TMEM178B: variants seen among roughly 807,000 people sequenced by gnomAD.
TMEM178B encodes transmembrane protein 178B.
A neutral mutation model predicts 31.0 loss-of-function variants in TMEM178B; 5 were observed. The observed-to-expected ratio is 0.16, with a 90% CI of 0.08 to 0.34. The LOEUF (loss-of-function observed/expected upper bound fraction) is 0.34. TMEM178B is among the 10% of genes least tolerant of loss of function. The pLI is 1.00. For synonymous variants in TMEM178B, 164 were observed against 164.0 expected (o/e 1.00, Z 0.00); for missense variants, 275 against 400.3 (o/e 0.69, Z 2.67).
intron 2 of TMEM178B, among the ~76,000 whole-genome samples, chr7:141,267,125 G>A (rs978955349): frequency 7.2e-5 from 11 of 152,184 alleles, no homozygotes; most frequent in Admixed American, 4.6e-4. Flanking sequence ...CATGACAGCC[G>A]ATCTACAGCT....
rs1802054270 is a variant in TMEM178B at position 141,461,244 on chromosome 7, G to A, written c.635-9292G>A. ...TGACCTCCCTGATACACAGCCACGTGGGTGTTTCTGCAGAGCCTGCCTTGC... is the reference window on the plus strand; with the variant it reads ...TGACCTCCCTGATACACAGCCACGTAGGTGTTTCTGCAGAGCCTGCCTTGC... On this transcript the variant is annotated intron_variant, in intron 3 of 3. Transcript: ENST00000565468. The surrounding 1 kb of genome is among the most constrained non-coding windows in gnomAD (Gnocchi z 4.0). Among the ~76,000 whole-genome samples the A allele has an allele frequency of 6.6e-6, 1 of 152,178 alleles. No individual in the cohort carries two copies. Among genetic ancestry groups the A allele is most frequent in the Admixed American group, 6.5e-5 (1 of 15,280 alleles).
chr7:141,090,323 T>C (rs938852870), intron 1 of TMEM178B, among the ~76,000 whole-genome samples: 2 of 152,154 alleles, frequency 1.3e-5, no homozygotes, highest in Admixed American at 6.5e-5. Flanking sequence ...CCCCAGAGTG[T>C]TGGAGTTACA....
chr7:141,255,853 C>T (rs757079985), intron 2 of TMEM178B, among the ~76,000 whole-genome samples: 28 of 152,110 alleles, frequency 1.8e-4, no homozygotes, highest in Admixed American at 3.3e-4. Context: ...CTGCACCTGG[C>T]CATTTGGGGC....
intron 2 of TMEM178B, among the ~76,000 whole-genome samples, chr7:141,338,200 G>A (rs188553890): frequency 1.3e-5 from 2 of 152,074 alleles, no homozygotes; most frequent in African/African-American, 4.8e-5. Flanking sequence ...GAGCAATAGA[G>A]GTATAACAAA....
chr7:141,351,103 C>T (rs1799713813), intron 2 of TMEM178B, among the ~76,000 whole-genome samples: 1 of 152,236 alleles, frequency 6.6e-6, no homozygotes, highest in South Asian at 2.1e-4. Flanking sequence ...GAACTGATCT[C>T]CTCTGAAGCA....
chr7:141,162,212 C>T (rs776788836), intron 1 of TMEM178B, among the ~76,000 whole-genome samples: 13 of 152,348 alleles, frequency 8.5e-5, no homozygotes, highest in South Asian at 4.1e-4. Flanking sequence ...TGACGCCTTG[C>T]GCCCTGCAGC....
intron 1 of TMEM178B, among the ~76,000 whole-genome samples, chr7:141,083,078 G>A (rs1794712810): frequency 6.6e-6 from 1 of 152,120 alleles, no homozygotes; most frequent in African/African-American, 2.4e-5. Context: ...GGGTTAGTTT[G>A]ACCCATCATA....
intron 3 of TMEM178B, among the ~76,000 whole-genome samples, chr7:141,441,668 CAA>C (rs1287569855): frequency 6.6e-6 from 1 of 152,154 alleles, no homozygotes; most frequent in Non-Finnish European, 1.5e-5. Context: ...AATTTGGAGA[CAA>C]GAGTTCAAGA....
intron 2 of TMEM178B, among the ~76,000 whole-genome samples, chr7:141,290,263 A>G (rs1209265755): frequency 6.6e-6 from 1 of 152,224 alleles, no homozygotes; most frequent in Non-Finnish European, 1.5e-5. Flanking sequence ...GTTCACCCCA[A>G]TTCAAACAGC....
Position 141,349,987 on chromosome 7 carries a change from CCATCCATCCATGCATG to C in TMEM178B, c.497-87605_497-87590del, listed in dbSNP as rs1442757273. Among the ~76,000 whole-genome samples, 13 of 133,818 alleles carry C rather than the reference CCATCCATCCATGCATG, an allele frequency of 9.7e-5. No homozygotes were observed. The South Asian group carries it at 2.8e-3, about 28-fold the overall frequency. 87.8% of individuals were successfully genotyped at this position (133,818 alleles called of 152,430 possible). ...TCCATCCATCCATCCATCCATCCAT[CCATCCATCCATGCATG>C]CATCCATCCATGCATCTATCTGTCC... On this transcript the variant is annotated intron_variant, in intron 2 of 3. Coordinates refer to ENST00000565468, the MANE Select transcript of TMEM178B (RefSeq NM_001195278.2).
intron 2 of TMEM178B, among the ~76,000 whole-genome samples, chr7:141,316,771 C>T (rs1352775359): frequency 6.6e-6 from 1 of 152,176 alleles, no homozygotes; most frequent in African/African-American, 2.4e-5. Flanking sequence ...AGATGTTTTT[C>T]CTAACTCCCT....
chr7:141,322,312 A>C (rs1334986401), intron 2 of TMEM178B, among the ~76,000 whole-genome samples: 4 of 151,228 alleles, frequency 2.6e-5, no homozygotes, highest in Admixed American at 6.6e-5. Flanking sequence ...GGACCACTTG[A>C]GGTCAGGAGT....
At chr7:141,386,625 G>A (rs539534277) in intron 2 of TMEM178B, among the ~76,000 whole-genome samples, 4 of 152,230 alleles carry the variant, frequency 2.6e-5, no homozygotes, top group East Asian at 1.9e-4. Flanking sequence ...GAACATTCTC[G>A]GGTTTTAAAC....
intron 1 of TMEM178B, among the ~76,000 whole-genome samples, chr7:141,138,989 A>C (rs1000768228): frequency 6.6e-6 from 1 of 152,096 alleles, no homozygotes; most frequent in African/African-American, 2.4e-5. Context: ...ATGTCAAAAA[A>C]AAAAAGAAAA....
At chr7:141,081,941 G>A (rs1794693346) in intron 1 of TMEM178B, among the ~76,000 whole-genome samples, 1 of 152,114 alleles carries the variant, frequency 6.6e-6, no homozygotes, top group Non-Finnish European at 1.5e-5. Flanking sequence ...ATCATTTTTT[G>A]TCTTCTCTAC....
intron 2 of TMEM178B, among the ~76,000 whole-genome samples, chr7:141,322,534 T>C (rs1475155841): frequency 1.3e-5 from 2 of 152,014 alleles, no homozygotes; most frequent in Non-Finnish European, 2.9e-5. Flanking sequence ...GATTCCGTTT[T>C]AAAAATCAAT....
intron 2 of TMEM178B, among the ~76,000 whole-genome samples, chr7:141,282,996 T>C (rs1356155788): frequency 6.6e-6 from 1 of 152,144 alleles, no homozygotes; most frequent in Non-Finnish European, 1.5e-5. Context: ...GGTACAAAAG[T>C]AATTGTACCA....
At chr7:141,229,531 T>C (rs745654471) in intron 2 of TMEM178B, among the ~76,000 whole-genome samples, 10 of 152,090 alleles carry the variant, frequency 6.6e-5, no homozygotes, top group Non-Finnish European at 1.2e-4. Context: ...ATTTTATTTC[T>C]CCTGATCATT....
Position 141,373,654 on chromosome 7 carries a change from C to G in TMEM178B, c.497-63954C>G, listed in dbSNP as rs555069924. On this transcript the variant is annotated intron_variant, in intron 2 of 3. Transcript: ENST00000565468. ...GCCTAATACGGCCACCCTCCACCCC[C>G]CCAACACACATTGGGCAGGCTGCTC... 7.9e-5 allele frequency among the ~76,000 whole-genome samples: 12 copies of G among 152,270 alleles called. No individual in the cohort carries two copies. The East Asian group carries it at 2.1e-3, about 27-fold the overall frequency.
Sources: allele counts gnomAD v4.1 joint callset (sites outside exome capture counted in the v4.1 genomes callset), GRCh38; gene constraint gnomAD v4.1.1; non-coding constraint Gnocchi (gnomAD v3.1); transcripts MANE v1.5; gene names NCBI Gene and HGNC (gene_info 2026-07-23, HGNC 2026-07-21).